The following SLCO1B3 variants were observed in gnomAD, a reference collection of about 807,000 sequenced individuals.
SLCO1B3 encodes solute carrier organic anion transporter family member 1B3.
Under a neutral mutation model 71.8 loss-of-function variants are expected in SLCO1B3, and 72 were observed. The ratio of observed to expected loss-of-function variants is 1.00; its 90% confidence interval spans 0.83 to 1.22. The LOEUF (loss-of-function observed/expected upper bound fraction) is 1.22, where lower values mean the gene tolerates loss of function less well. SLCO1B3 is among the 50% of genes most tolerant of loss of function. The probability of loss-of-function intolerance (pLI) is 0.00; values close to 1 mark genes in which losing one functional copy is unlikely to be tolerated. For synonymous variants in SLCO1B3, 298 were observed against 278.4 expected, an observed-to-expected ratio of 1.07 and a Z score of -0.70; for missense variants, 911 against 819.7, an observed-to-expected ratio of 1.11 and a Z score of -1.36.
At chr12:20,815,189 C>T (rs1340248741) in intron 2 of SLCO1B3, among the ~76,000 whole-genome samples, 1 of 151,946 alleles carries the variant, frequency 6.6e-6, no homozygotes, top group Admixed American at 6.6e-5. Context: ...GGCATCTCCT[C>T]TATGAAACTG....
At chr12:20,858,354 A>C in intron 4 of SLCO1B3, 85 bp from the exon 5 acceptor site, 1 of 911,126 alleles carries the variant, frequency 1.1e-6, no homozygotes, top group East Asian at 2.6e-5. Flanking sequence ...TGTCTTGGGC[A>C]TATTTGCATT....
At chr12:20,857,836 G>A (rs1865171983) in intron 4 of SLCO1B3, among the ~76,000 whole-genome samples, 1 of 151,930 alleles carries the variant, frequency 6.6e-6, no homozygotes, top group South Asian at 2.1e-4. Flanking sequence ...TACTCTTATT[G>A]CTCTTCTTCC....
intron 10 of SLCO1B3, among the ~76,000 whole-genome samples, 171 bp from the exon 11 acceptor site, chr12:20,879,265 G>T (rs1371264552): frequency 7.1e-6 from 1 of 141,398 alleles, no homozygotes; most frequent in Non-Finnish European, 1.5e-5. Flanking sequence ...CTGGGGTGCA[G>T]TGGCGCGATC....
chr12:20,842,651 T>TA (rs1240753134), intron 3 of SLCO1B3, among the ~76,000 whole-genome samples: 2 of 152,328 alleles, frequency 1.3e-5, no homozygotes, highest in East Asian at 3.9e-4. Flanking sequence ...TTTGTCCACT[T>TA]ACGTTTATTG....
chr12:20,877,876 G>A lies in SLCO1B3; in HGVS notation c.1075G>A (p.Val359Ile), dbSNP rs764808205. 18 of 1,587,996 alleles carry A rather than the reference G, an allele frequency of 1.1e-5. No homozygotes were observed. Among genetic ancestry groups the A allele is most frequent in the African/African-American group, 9.6e-5 (7 of 73,150 alleles). ...VSSFIGSFTY[V>I]FKYMEQQYGQ... ...CAGCTTTATTGGTTCTTTTACTTACGTCTTTAAATATATGGAGCAACAGTA... is the reference window on the plus strand; with the variant it reads ...CAGCTTTATTGGTTCTTTTACTTACATCTTTAAATATATGGAGCAACAGTA... Residue 359 changes from valine (V) to isoleucine (I), a missense_variant, in exon 10 of 16, where the codon GTC (valine) becomes ATC (isoleucine). Val to Ile is a conservative substitution (Grantham distance 29). Transcript: ENST00000381545.
In SLCO1B3 at chr12:20,914,667, CTTCTT is replaced by C. The variant is rs576027745; in HGVS notation, c.1866-1334_1866-1330del. 2.1e-3 allele frequency among the ~76,000 whole-genome samples: 325 copies of C among 152,160 alleles called. 2 individuals carry two copies. The highest frequency in any genetic ancestry group is 7.7e-3 in the African/African-American group (320 of 41,548). ...CCTATATCATTTTCCTTCTAACAAA[CTTCTT>C]TTAAGATTTCTTGCAAGGAGAGTCT... On this transcript the variant is annotated intron_variant, in intron 15 of 15. Transcript: ENST00000381545.
At chr12:20,897,004 G>C (rs770516869) in intron 13 of SLCO1B3, among the ~76,000 whole-genome samples, 3 of 152,148 alleles carry the variant, frequency 2.0e-5, no homozygotes, top group Non-Finnish European at 4.4e-5. Context: ...CATGAGAACA[G>C]CACAGAAAAG....
intron 13 of SLCO1B3, among the ~76,000 whole-genome samples, chr12:20,891,203 A>G (rs1012992366): frequency 7.9e-5 from 12 of 152,182 alleles, no homozygotes; most frequent in African/African-American, 2.9e-4. Flanking sequence ...TTTCTTGTAG[A>G]GTCAGTCTGT....
intron 13 of SLCO1B3, among the ~76,000 whole-genome samples, chr12:20,896,765 T>C (rs968378244): frequency 5.9e-5 from 9 of 152,178 alleles, no homozygotes; most frequent in African/African-American, 2.2e-4. Context: ...ACCAATTTAC[T>C]GTATTAGTTT....
Position 20,862,779 on chromosome 12 carries a change from A to G in SLCO1B3, c.652A>G (p.Ile218Val). 1 of 1,611,492 alleles carries G rather than the reference A, an allele frequency of 6.2e-7. No homozygotes were observed. Among genetic ancestry groups the G allele is most frequent in the Non-Finnish European group, 8.5e-7 (1 of 1,177,926 alleles). Residue 218 changes from isoleucine to valine, a missense_variant, in exon 8 of 16, where the codon ATT becomes GTT. Transcript: ENST00000381545. Reference protein sequence around the residue: ...YLGSLNAIGMIGPVIGFALGS... With the variant: ...YLGSLNAIGMVGPVIGFALGS... The stretch of plus-strand genomic sequence containing the variant: ...AGGTAGTTTGAATGCAATAGGAATG[A>G]TTGGTCCAGTCATTGGCTTTGCACT...
At chr12:20,896,523 A>G (rs1358575619) in intron 13 of SLCO1B3, among the ~76,000 whole-genome samples, 1 of 152,186 alleles carries the variant, frequency 6.6e-6, no homozygotes, top group Non-Finnish European at 1.5e-5. Flanking sequence ...CCAGTTTCCA[A>G]CAAGTTCCTT....
intron 3 of SLCO1B3, among the ~76,000 whole-genome samples, chr12:20,846,484 T>C (rs1297070525): frequency 1.3e-5 from 2 of 152,300 alleles, no homozygotes; most frequent in Non-Finnish European, 2.9e-5. Flanking sequence ...CATCAACATA[T>C]ATATTTGAAG....
intron 3 of SLCO1B3, among the ~76,000 whole-genome samples, chr12:20,820,647 G>A (rs1382581339): frequency 2.0e-5 from 3 of 152,178 alleles, no homozygotes; most frequent in African/African-American, 7.2e-5. Context: ...TATGGGGTTT[G>A]AGGGCCAGAT....
chr12:20,903,141 T>C (rs1292660015), intron 15 of SLCO1B3, among the ~76,000 whole-genome samples: 1 of 151,758 alleles, frequency 6.6e-6, no homozygotes, highest in African/African-American at 2.4e-5. Flanking sequence ...GAATTTCCTG[T>C]CATTGCTGGA....
At chr12:20,863,032 C>T (rs1264842641) in intron 8 of SLCO1B3, among the ~76,000 whole-genome samples, 178 bp downstream of exon 8, 1 of 152,176 alleles carries the variant, frequency 6.6e-6, no homozygotes, top group East Asian at 1.9e-4. Context: ...CCTATTTATA[C>T]TTTGCTTTTA....
At chr12:20,883,687 C>A in intron 13 of SLCO1B3, 85 bp downstream of exon 13, 1 of 875,668 alleles carries the variant, frequency 1.1e-6, no homozygotes, top group Non-Finnish European at 1.7e-6. Flanking sequence ...ATTTTGAGCT[C>A]AAATTCATAT....
chr12:20,816,741 AG>A (rs997423666), intron 3 of SLCO1B3, among the ~76,000 whole-genome samples: 1 of 152,192 alleles, frequency 6.6e-6, no homozygotes, highest in Non-Finnish European at 1.5e-5. Context: ...ATCACGTGGT[AG>A]CTCAATTTTT....
At chr12:20,820,797 G>C (rs1047328478) in intron 3 of SLCO1B3, among the ~76,000 whole-genome samples, 21 of 34,812 alleles carry the variant, frequency 6.0e-4, no homozygotes, top group South Asian at 1.9e-3. Context: ...CCATGAACTG[G>C]GCTGGGTTTT....
intron 3 of SLCO1B3, among the ~76,000 whole-genome samples, chr12:20,844,236 C>A (rs535223801): frequency 6.6e-6 from 1 of 151,686 alleles, no homozygotes; most frequent in Admixed American, 6.6e-5. Flanking sequence ...TATAAAGATA[C>A]CTTACATATA....
Sources: gnomAD v4.1 joint callset for allele counts (sites outside exome capture counted in the v4.1 genomes callset) on GRCh38, gnomAD v4.1.1 for gene constraint, MANE v1.5 for transcripts, NCBI Gene and HGNC (gene_info 2026-07-23, HGNC 2026-07-21) for gene names.